MROH1: variants seen among roughly 807,000 people sequenced by gnomAD.
MROH1 encodes maestro heat like repeat family member 1.
In MROH1, 117 loss-of-function variants were observed where a neutral mutation model predicts 116.5. The observed-to-expected ratio is 1.00, with a 90% CI of 0.86 to 1.17. MROH1 has a LOEUF of 1.17. Among genes scored for constraint, MROH1 ranks in the 50% most tolerant of loss-of-function variants. The pLI is 0.00. For synonymous variants in MROH1, 921 were observed against 583.9 expected (o/e 1.58, Z -8.32); for missense variants, 1,873 against 1,338.5 (o/e 1.40, Z -6.23).
intron 14 of MROH1, among the ~76,000 whole-genome samples, chr8:144,227,986 C>T (rs909838511): frequency 6.6e-6 from 1 of 151,614 alleles, no homozygotes; most frequent in Non-Finnish European, 1.5e-5. Context: ...TGGGGAAGCA[C>T]TTTAGGAGGC....
At chr8:144,179,344 C>A in intron 4 of MROH1, 111 bp from the exon 5 acceptor site, 1 of 1,482,828 alleles carries the variant, frequency 6.7e-7, no homozygotes, top group Non-Finnish European at 9.1e-7. Flanking sequence ...CCCTCCTGCA[C>A]TTGAGGCAGA....
intron 4 of MROH1, chr8:144,175,357 C>A: frequency 2.2e-6 from 1 of 454,104 alleles, no homozygotes; most frequent in Non-Finnish European, 2.9e-6. Flanking sequence ...CTCCCCCCCT[C>A]CCAGCAACAG....
At chr8:144,259,765 C>T (rs1844643620) in intron 37 of MROH1, 146 bp from the exon 38 acceptor site, 1 of 683,826 alleles carries the variant, frequency 1.5e-6, no homozygotes, top group Middle Eastern at 3.7e-4. Context: ...GGAGGGGTCG[C>T]CACTGATCGG....
intron 33 of MROH1, among the ~76,000 whole-genome samples, chr8:144,253,022 C>G (rs1202564585): frequency 1.3e-5 from 2 of 149,490 alleles, no homozygotes; most frequent in Non-Finnish European, 3.0e-5. Flanking sequence ...GGCGTGGCAG[C>G]ACGTGTCTGT....
At chr8:144,190,978 T>C in intron 8 of MROH1, 43 bp downstream of exon 8, 1 of 1,573,624 alleles carries the variant, frequency 6.4e-7, no homozygotes, top group Non-Finnish European at 8.7e-7. Context: ...ATGCCAGGGC[T>C]CTCTCCTCCC....
chr8:144,165,719 T>A lies in MROH1; in HGVS notation c.22+1871T>A, dbSNP rs1820647316. On this transcript the variant is annotated intron_variant, in intron 3 of 43. Transcript: ENST00000326134. ...CCTCCTGAGTAGCTGGGACTACAGGTGCATGCCACTACGCCGTAATTTTTG... is the reference window on the plus strand; with the variant it reads ...CCTCCTGAGTAGCTGGGACTACAGGAGCATGCCACTACGCCGTAATTTTTG... Among the ~76,000 whole-genome samples the A allele has an allele frequency of 2.7e-5, 4 of 150,746 alleles. No homozygotes were observed. The South Asian group carries it at 8.4e-4, about 32-fold the overall frequency.
chr8:144,243,777 G>A, intron 25 of MROH1, 86 bp from the exon 26 acceptor site: 2 of 743,074 alleles, frequency 2.7e-6, no homozygotes, highest in Non-Finnish European at 5.0e-6. Context: ...GGCCCCGCCT[G>A]TCACTTAGGC....
intron 29 of MROH1, among the ~76,000 whole-genome samples, chr8:144,246,489 C>T (rs1841946868): frequency 6.6e-6 from 1 of 152,154 alleles, no homozygotes; most frequent in Non-Finnish European, 1.5e-5. Context: ...CCACCTCATA[C>T]TTTCATGGCC....
At chr8:144,175,786 C>T (rs373596002) in intron 4 of MROH1, among the ~76,000 whole-genome samples, 109 of 152,328 alleles carry the variant, frequency 7.2e-4, no homozygotes, top group African/African-American at 2.3e-3. Context: ...CTCGGTGGCT[C>T]ACGCCTGTAA....
chr8:144,180,139 T>C lies in MROH1; in HGVS notation c.301-39T>C. 8 of 1,611,778 alleles carry C rather than the reference T, an allele frequency of 5.0e-6. No individual in the cohort carries two copies. The highest frequency in any genetic ancestry group is 6.8e-6 in the Non-Finnish European group (8 of 1,178,444). ...AGCGACTGAGGGCAGAATGTCTTGG[T>C]CTTGCCTTTTGGTCTACCTGCCGGT... On this transcript the variant is annotated intron_variant, in intron 5 of 43. Transcript: ENST00000326134. The surrounding 1 kb of genome is among the most constrained non-coding windows in gnomAD (Gnocchi z 7.4).
Position 144,253,160 on chromosome 8 carries a change from A to T in MROH1, c.3429-1653A>T, listed in dbSNP as rs889259722. 3.6e-3 allele frequency among the ~76,000 whole-genome samples: 544 copies of T among 152,134 alleles called. 2 individuals are homozygous for T. The highest frequency in any genetic ancestry group is 0.014 in the Middle Eastern group (4 of 292). ...CAGAGCAAGACTCTGTCTCAAAAAA[A>T]AAAGAAGTGGAGTCACTGTGGCCAT... is the stretch of plus-strand genomic sequence containing the variant. On this transcript the variant is annotated intron_variant, in intron 33 of 43. Transcript: ENST00000326134.
At chr8:144,212,916 GTTCTCAGGAATCCAGT>G (rs1834462489) in intron 12 of MROH1, 2 of 714,172 alleles carry the variant, frequency 2.8e-6, no homozygotes, top group Admixed American at 3.6e-5. Context: ...CTCTATCTCT[GTTCTCAGGAATCCAGT>G]TCTCAAGGTT....
Position 144,261,827 on chromosome 8 carries a change from G to A in MROH1, c.*87G>A. On this transcript the variant is annotated 3_prime_UTR_variant, in exon 44 of 44. Transcript: ENST00000326134. ...AGGGCCTCCTGAGGACCACAGCCTG[G>A]GCACACGACTGGAGGGGCCTGGCCC... is the stretch of plus-strand genomic sequence containing the variant. The A allele has an allele frequency of 2.9e-6, 2 of 700,156 alleles. No homozygotes were observed. 43.4% of individuals were successfully genotyped at this position (700,156 alleles called of 1,614,324 possible).
rs2133007114 is a variant in MROH1, at chr8:144,244,576, G to A, written c.2766+37G>A. On this transcript the variant is annotated intron_variant, in intron 28 of 43. Coordinates refer to ENST00000326134, the MANE Select transcript of MROH1 (RefSeq NM_032450.3). ...GGAACTGTCATGGGGATGGGGATGGGGGCACAGAGGGCACTCCACCTGGCT... is the reference window on the plus strand; with the variant it reads ...GGAACTGTCATGGGGATGGGGATGGAGGCACAGAGGGCACTCCACCTGGCT... 12 of 723,676 alleles carry A rather than the reference G, an allele frequency of 1.7e-5. No homozygotes were observed. In the East Asian group the frequency reaches 3.2e-4, roughly 19 times the overall value. The allele number at this position is 723,676 out of a possible 1,614,324, so 44.8% of individuals were successfully genotyped here.
chr8:144,163,730 A>T lies in MROH1; in HGVS notation c.-56-41A>T, dbSNP rs1170456365. On this transcript the variant is annotated intron_variant, in intron 2 of 43. Transcript: ENST00000326134. The surrounding 1 kb of genome is among the most constrained non-coding windows in gnomAD (Gnocchi z 4.4). ...AATTGCCTGTGAACTCAGATATCGT[A>T]GAGGCTTATGAATTAAATCTTGTGA... 7.9e-7 allele frequency: 1 copy of T among 1,265,354 alleles called. No individual in the cohort carries two copies. The highest frequency in any genetic ancestry group is 1.1e-6 in the Non-Finnish European group (1 of 879,566). 78.4% of individuals were successfully genotyped at this position (1,265,354 alleles called of 1,614,324 possible).
At position 144,214,607 on chromosome 8, in the gene MROH1, A is replaced by C. The variant is rs1041312211; in HGVS notation, c.1142-5993A>C. The stretch of plus-strand genomic sequence containing the variant: ...AGGGACATGGGCCTGAATGGGCCCA[A>C]ATCCTCAGCCACACCCTGGCTTGCT... On this transcript the variant is annotated intron_variant, in intron 12 of 43. Coordinates refer to ENST00000326134, the MANE Select transcript of MROH1 (RefSeq NM_032450.3). The C allele has an allele frequency of 1.1e-4, 17 of 152,106 alleles. 1 individual carries two copies. Among genetic ancestry groups the C allele is most frequent in the African/African-American group, 3.9e-4 (16 of 41,426 alleles). The allele number at this position is 152,106 out of a possible 1,614,324, so 9.4% of individuals were successfully genotyped here. A position where few individuals can be genotyped will look rare whatever the true frequency, so the allele number is the denominator to read the frequency against.
intron 10 of MROH1, among the ~76,000 whole-genome samples, chr8:144,198,025 G>C (rs1196739014): frequency 2.0e-5 from 3 of 148,100 alleles, no homozygotes; most frequent in African/African-American, 7.4e-5. Context: ...CTCCAGCCTG[G>C]GCAACAAGAG....
intron 35 of MROH1, 31 bp downstream of exon 35, chr8:144,255,736 A>G: frequency 5.5e-6 from 4 of 728,386 alleles, no homozygotes; most frequent in Non-Finnish European, 1.0e-5. Flanking sequence ...CACCTCCAGT[A>G]CTGATTCGGA....
At chr8:144,205,468 A>G (rs1832612468) in intron 12 of MROH1, among the ~76,000 whole-genome samples, 1 of 151,734 alleles carries the variant, frequency 6.6e-6, no homozygotes, top group African/African-American at 2.4e-5. Context: ...TTTTCTGCCT[A>G]GATGCCCAAA....
Sources: allele counts gnomAD v4.1 joint callset (sites outside exome capture counted in the v4.1 genomes callset), GRCh38; gene constraint gnomAD v4.1.1; non-coding constraint Gnocchi (gnomAD v3.1); transcripts MANE v1.5; gene names NCBI Gene and HGNC (gene_info 2026-07-23, HGNC 2026-07-21).